RPTOR: variants seen among roughly 807,000 people sequenced by gnomAD.
The protein encoded by RPTOR is regulatory associated protein of MTOR complex 1.
A neutral mutation model predicts 169.9 loss-of-function variants in RPTOR; 21 were observed. That is an observed-to-expected ratio of 0.12 (90% CI 0.09 to 0.18). RPTOR has a LOEUF of 0.18. RPTOR is among the 10% of genes least tolerant of loss of function. The pLI, the probability that RPTOR is intolerant of heterozygous loss-of-function variation, is 1.00. For missense variants in RPTOR, 1,133 were observed against 1,855.9 expected (o/e 0.61, Z 7.16); for synonymous variants, 732 against 753.2 (o/e 0.97, Z 0.46).
At position 80,962,714 on chromosome 17, in the gene RPTOR, CA is replaced by C. The variant is rs1484170967; in HGVS notation, c.3809+141del. On this transcript the variant is annotated intron_variant, in intron 32 of 33. Coordinates refer to ENST00000306801, the MANE Select transcript of RPTOR (RefSeq NM_020761.3). ...TTTCACTGCTGTGGGGACATAAAAA[CA>C]AAAGATGTCTGCCCACCACATCCTC... 2.7e-6 allele frequency: 3 copies of C among 1,096,990 alleles called. No homozygotes were observed. The African/African-American group carries it at 4.7e-5, about 17-fold the overall frequency. The allele number at this position is 1,096,990 out of a possible 1,614,324, so 68.0% of individuals were successfully genotyped here.
chr17:80,906,374 C>T (rs891174092), intron 20 of RPTOR, among the ~76,000 whole-genome samples: 3 of 152,204 alleles, frequency 2.0e-5, no homozygotes, highest in Non-Finnish European at 2.9e-5. Context: ...ACACGGCTAT[C>T]GCAGAGCTGT....
At chr17:80,563,894 CTTTTGG>C (rs1382890656) in intron 1 of RPTOR, among the ~76,000 whole-genome samples, 2 of 152,114 alleles carry the variant, frequency 1.3e-5, no homozygotes. Flanking sequence ...CTTACTTTTG[CTTTTGG>C]TTTCTCTCGC....
At position 80,614,356 on chromosome 17, in the gene RPTOR, A is replaced by G. The variant is rs559567072; in HGVS notation, c.163-11335A>G. Among the ~76,000 whole-genome samples the G allele has an allele frequency of 3.3e-5, 5 of 152,368 alleles. No individual in the cohort carries two copies. The South Asian group carries it at 1.0e-3, about 32-fold the overall frequency. ...GCCATTTTTGAAATTTATTTTCTAAAGAAAAAAAATCCAAATATTGAAAGG... is the reference window on the plus strand; with the variant it reads ...GCCATTTTTGAAATTTATTTTCTAAGGAAAAAAAATCCAAATATTGAAAGG... On this transcript the variant is annotated intron_variant, in intron 1 of 33. Coordinates refer to ENST00000306801, the MANE Select transcript of RPTOR (RefSeq NM_020761.3).
intron 1 of RPTOR, among the ~76,000 whole-genome samples, chr17:80,589,671 T>C (rs57262732): frequency 0.29 from 44,801 of 152,136 alleles, 6,714 homozygotes; most frequent in Middle Eastern, 0.37. Context: ...AATTTTAAAA[T>C]GCTATTTTGA....
intron 12 of RPTOR, among the ~76,000 whole-genome samples, chr17:80,856,262 G>A (rs939208149): frequency 6.6e-6 from 1 of 152,110 alleles, no homozygotes; most frequent in Non-Finnish European, 1.5e-5. Context: ...ATCATTGTTC[G>A]TTTTTCTTGG....
chr17:80,766,162 C>A (rs2066785066), intron 6 of RPTOR, among the ~76,000 whole-genome samples: 1 of 151,986 alleles, frequency 6.6e-6, no homozygotes, highest in Admixed American at 6.6e-5. Context: ...CTCAAGCAAT[C>A]CCCCCACCTC....
chr17:80,881,120 C>T (rs914861858), intron 14 of RPTOR, among the ~76,000 whole-genome samples: 26 of 152,310 alleles, frequency 1.7e-4, no homozygotes, highest in African/African-American at 6.0e-4. Flanking sequence ...TTTAACATAA[C>T]TTAATATTGC....
chr17:80,962,372 G>C (rs1421497040), intron 31 of RPTOR, 89 bp from the exon 32 acceptor site: 1 of 1,020,364 alleles, frequency 9.8e-7, no homozygotes, highest in Admixed American at 2.0e-5. Flanking sequence ...ACAGGTGTGC[G>C]ACCCCACACA....
intron 2 of RPTOR, among the ~76,000 whole-genome samples, chr17:80,636,590 G>A (rs1267868631): frequency 6.6e-6 from 1 of 152,090 alleles, no homozygotes; most frequent in Non-Finnish European, 1.5e-5. Flanking sequence ...TATGAAACAC[G>A]ATCGCCTCCT....
At chr17:80,634,604 TGTGTGTGTACTGTGTGC>T in intron 2 of RPTOR, among the ~76,000 whole-genome samples, 2 of 2,518 alleles carry the variant, frequency 7.9e-4, no homozygotes, top group South Asian at 0.022. Context: ...GTGTGCGTAC[TGTGTGTGTACTGTGTGC>T]GTGTGCGTAC....
At chr17:80,764,604 T>C in intron 6 of RPTOR, among the ~76,000 whole-genome samples, 1 of 152,102 alleles carries the variant, frequency 6.6e-6, no homozygotes, top group East Asian at 1.9e-4. Flanking sequence ...CTATTGTGAA[T>C]AGTGCCACAG....
intron 1 of RPTOR, among the ~76,000 whole-genome samples, chr17:80,547,903 A>G (rs74003967): frequency 0.018 from 2,683 of 152,250 alleles, 89 homozygotes; most frequent in African/African-American, 0.062. Flanking sequence ...CCCTGATGCC[A>G]TAACTGAAGG....
intron 13 of RPTOR, among the ~76,000 whole-genome samples, chr17:80,871,444 T>C (rs1437082672): frequency 1.3e-5 from 2 of 152,130 alleles, no homozygotes; most frequent in African/African-American, 4.8e-5. Context: ...GGTCCCGTCA[T>C]AATGAGGGTG....
chr17:80,782,347 A>G (rs1429468812), intron 6 of RPTOR, among the ~76,000 whole-genome samples: 1 of 151,962 alleles, frequency 6.6e-6, no homozygotes, highest in African/African-American at 2.4e-5. Flanking sequence ...TCATTTAAGT[A>G]TTGGTTCTTT....
At chr17:80,893,395 G>T (rs1598383993) in intron 19 of RPTOR, among the ~76,000 whole-genome samples, 1 of 139,168 alleles carries the variant, frequency 7.2e-6, no homozygotes, top group East Asian at 2.1e-4. Flanking sequence ...TGCATGCCAG[G>T]GTGTGTGTGT....
intron 21 of RPTOR, among the ~76,000 whole-genome samples, chr17:80,912,451 C>T (rs900257168): frequency 6.6e-6 from 1 of 152,126 alleles, no homozygotes; most frequent in Non-Finnish European, 1.5e-5. Context: ...GTGTATTTAA[C>T]CTTACTGAAA....
chr17:80,813,068 T>A lies in RPTOR; in HGVS notation c.891-9133T>A, dbSNP rs562174327. On this transcript the variant is annotated intron_variant, in intron 7 of 33. Transcript: ENST00000306801. ...GACAGAGAGGCCGCTCCTCTACCTT[T>A]AAGTTGCAAACTATTCAGACCAATA... Among the ~76,000 whole-genome samples, 3 of 152,332 alleles carry A rather than the reference T, an allele frequency of 2.0e-5. No individual in the cohort carries two copies. The East Asian group carries it at 5.8e-4, about 29-fold the overall frequency.
At chr17:80,916,700 A>T (rs1047168460) in intron 21 of RPTOR, among the ~76,000 whole-genome samples, 1 of 152,356 alleles carries the variant, frequency 6.6e-6, no homozygotes, top group Non-Finnish European at 1.5e-5. Flanking sequence ...TAAGTTACTG[A>T]TAAAGTAAAT....
intron 1 of RPTOR, among the ~76,000 whole-genome samples, chr17:80,605,165 G>A (rs1017503749): frequency 1.3e-5 from 2 of 152,170 alleles, no homozygotes; most frequent in African/African-American, 2.4e-5. Context: ...CCTGGGGCTC[G>A]GGGCTTATGG....
Sources: gnomAD v4.1 joint callset for allele counts (sites outside exome capture counted in the v4.1 genomes callset) on GRCh38, gnomAD v4.1.1 for gene constraint, MANE v1.5 for transcripts, NCBI Gene and HGNC (gene_info 2026-07-23, HGNC 2026-07-21) for gene names.